Variants in RANBP9 observed in about 807,000 individuals in gnomAD.
The protein encoded by RANBP9 is ran-binding protein 9.
A neutral mutation model predicts 84.3 loss-of-function variants in RANBP9; 15 were observed. The ratio of observed to expected loss-of-function variants is 0.18; its 90% CI spans 0.12 to 0.27. The LOEUF is 0.27. RANBP9 is among the 10% of genes least tolerant of loss of function. The pLI is 1.00. For synonymous variants in RANBP9, 392 were observed against 349.6 expected (o/e 1.12, Z -1.35); for missense variants, 809 against 912.8 (o/e 0.89, Z 1.46).
At chr6:13,697,692 T>C (rs1011326275) in intron 1 of RANBP9, among the ~76,000 whole-genome samples, 2 of 152,118 alleles carry the variant, frequency 1.3e-5, no homozygotes, top group Non-Finnish European at 1.5e-5. Flanking sequence ...AGCTAGCATG[T>C]AGACAATATT....
intron 10 of RANBP9, among the ~76,000 whole-genome samples, chr6:13,637,292 G>T (rs1764961208): frequency 6.6e-6 from 1 of 152,116 alleles, no homozygotes; most frequent in Non-Finnish European, 1.5e-5. Context: ...TTAACCATCT[G>T]CTATATGCAA....
At chr6:13,672,311 C>T (rs1765794966) in intron 2 of RANBP9, among the ~76,000 whole-genome samples, 1 of 152,104 alleles carries the variant, frequency 6.6e-6, no homozygotes. Flanking sequence ...CTCTGGTCCA[C>T]TAAAAAACCC....
intron 1 of RANBP9, among the ~76,000 whole-genome samples, chr6:13,710,447 G>A (rs1169267445): frequency 6.6e-6 from 1 of 151,906 alleles, no homozygotes; most frequent in Non-Finnish European, 1.5e-5. Flanking sequence ...GCCTAATTTT[G>A]ATTACTCCTC....
chr6:13,691,866 T>C (rs1443988707), intron 2 of RANBP9, among the ~76,000 whole-genome samples: 3 of 152,050 alleles, frequency 2.0e-5, no homozygotes, highest in African/African-American at 7.2e-5. Context: ...GGGGTTTCAC[T>C]ATGTTGGCCA....
chr6:13,638,068 A>G (rs1764983223), intron 9 of RANBP9, 113 bp from the exon 10 acceptor site: 1 of 936,964 alleles, frequency 1.1e-6, no homozygotes, highest in African/African-American at 1.7e-5. Context: ...TAGGAGAGTC[A>G]ATGGATGATG....
At chr6:13,670,483 C>A (rs145165155) in intron 2 of RANBP9, among the ~76,000 whole-genome samples, 1 of 151,842 alleles carries the variant, frequency 6.6e-6, no homozygotes, top group Non-Finnish European at 1.5e-5. Context: ...ACATCAGAAG[C>A]AGAAGAAACA....
intron 2 of RANBP9, 103 bp downstream of exon 2, chr6:13,696,682 A>G (rs1025232453): frequency 2.2e-5 from 20 of 918,472 alleles, no homozygotes; most frequent in African/African-American, 5.0e-5. Context: ...CACTTTTCCA[A>G]TTAGCAAAAT....
intron 2 of RANBP9, among the ~76,000 whole-genome samples, chr6:13,681,928 G>A (rs1766050428): frequency 6.6e-6 from 1 of 151,870 alleles, no homozygotes; most frequent in African/African-American, 2.4e-5. Flanking sequence ...AAGCAATCTT[G>A]GCTCACTGCA....
chr6:13,667,411 C>T (rs943720777), intron 2 of RANBP9, among the ~76,000 whole-genome samples: 1 of 152,122 alleles, frequency 6.6e-6, no homozygotes, highest in African/African-American at 2.4e-5. Context: ...TGATCTATTA[C>T]ATTCTTGATT....
At chr6:13,710,831 G>A (rs1758257945) in intron 1 of RANBP9, 104 bp downstream of exon 1, 1 of 1,299,572 alleles carries the variant, frequency 7.7e-7, no homozygotes, top group Non-Finnish European at 1.0e-6. Context: ...TCCGAGGGCA[G>A]AGCCCGCGAG....
In RANBP9 at chr6:13,637,915, T is replaced by C; in HGVS notation, c.1566A>G (p.Ala522=). 1 of 1,610,196 alleles carries C rather than the reference T, an allele frequency of 6.2e-7. No homozygotes were observed. The highest frequency in any genetic ancestry group is 1.1e-5 in the South Asian group (1 of 90,856). Residue 522 remains alanine (A), a synonymous_variant, in exon 10 of 14, where the codon GCA becomes GCG. Transcript: ENST00000011619. The part of the protein sequence containing the change: ...SCSNGVISNK[A]HQSYCHSNKH... The stretch of plus-strand genomic sequence containing the variant: ...TATTACTATGGCAATATGATTGATG[T>C]GCTTTATTTGATATTACACCATTAC...
intron 8 of RANBP9, among the ~76,000 whole-genome samples, chr6:13,640,547 A>G (rs540197285): frequency 6.6e-6 from 1 of 152,364 alleles, no homozygotes; most frequent in African/African-American, 2.4e-5. Flanking sequence ...AAAATGCAGT[A>G]TTATCCAAAC....
intron 5 of RANBP9, among the ~76,000 whole-genome samples, chr6:13,651,417 C>CA (rs1424725391): frequency 6.6e-6 from 1 of 150,378 alleles, no homozygotes; most frequent in Non-Finnish European, 1.5e-5. Flanking sequence ...TTTTTTGAGA[C>CA]AGAGGCTTGC....
At chr6:13,628,058 A>G (rs1449765938) in intron 12 of RANBP9, among the ~76,000 whole-genome samples, 1 of 152,190 alleles carries the variant, frequency 6.6e-6, no homozygotes. Context: ...GTGCACTAAT[A>G]TTGTGTGAAG....
chr6:13,634,801 G>A (rs1415280883), intron 10 of RANBP9, among the ~76,000 whole-genome samples: 2 of 152,174 alleles, frequency 1.3e-5, no homozygotes, highest in Non-Finnish European at 2.9e-5. Flanking sequence ...GTGGTTTTAT[G>A]ACTTTACATC....
At chr6:13,687,441 T>A (rs1208118460) in intron 2 of RANBP9, among the ~76,000 whole-genome samples, 2 of 151,340 alleles carry the variant, frequency 1.3e-5, no homozygotes, top group African/African-American at 2.4e-5. Context: ...TGAGCTATGA[T>A]CACACAACTG....
chr6:13,643,649 T>C (rs1765116658), intron 6 of RANBP9, among the ~76,000 whole-genome samples: 1 of 152,102 alleles, frequency 6.6e-6, no homozygotes. Flanking sequence ...TTAAGATAAA[T>C]GTTTTCTACT....
At chr6:13,709,176 A>G (rs1343183497) in intron 1 of RANBP9, among the ~76,000 whole-genome samples, 1 of 152,228 alleles carries the variant, frequency 6.6e-6, no homozygotes, top group Non-Finnish European at 1.5e-5. Context: ...AAAAGACTAA[A>G]ACTAATCAAG....
intron 2 of RANBP9, among the ~76,000 whole-genome samples, chr6:13,666,418 T>C (rs1023268942): frequency 1.3e-5 from 2 of 151,508 alleles, no homozygotes; most frequent in African/African-American, 4.9e-5. Flanking sequence ...AAAATGTCAG[T>C]AACACATTTT....
Sources: gnomAD v4.1 joint callset for allele counts (sites outside exome capture counted in the v4.1 genomes callset) on GRCh38, gnomAD v4.1.1 for gene constraint, MANE v1.5 for transcripts, NCBI Gene and HGNC (gene_info 2026-07-23, HGNC 2026-07-21) for gene names.